Variants in HS3ST2 observed in about 807,000 individuals in gnomAD.
HS3ST2 encodes the protein heparan sulfate glucosamine 3-O-sulfotransferase 2.
HS3ST2 carries 17 observed loss-of-function variants against 26.3 expected under a neutral mutation model. The observed-to-expected ratio is 0.65, with a 90% CI of 0.44 to 0.97. The LOEUF (loss-of-function observed/expected upper bound fraction) is 0.97. Ranked by LOEUF, HS3ST2 falls within the 50% of genes least tolerant of loss-of-function variation. The pLI is 0.00. For synonymous variants in HS3ST2, 237 were observed against 219.2 expected (o/e 1.08, Z -0.72); for missense variants, 402 against 501.2 (o/e 0.80, Z 1.89).
intron 1 of HS3ST2, among the ~76,000 whole-genome samples, chr16:22,842,062 C>CTTTTTTTTTT (rs11285807): frequency 8.1e-5 from 9 of 111,792 alleles, no homozygotes; most frequent in South Asian, 2.8e-4. Flanking sequence ...TCTTTTCTTT[C>CTTTTTTTTTT]TTTTTTTTTT....
intron 1 of HS3ST2, among the ~76,000 whole-genome samples, chr16:22,896,204 A>G (rs188160787): frequency 1.6e-4 from 25 of 152,274 alleles, no homozygotes; most frequent in Admixed American, 5.2e-4. Context: ...CTGTCCTTTT[A>G]TATACAACTT....
intron 1 of HS3ST2, among the ~76,000 whole-genome samples, chr16:22,878,197 C>T (rs1901944410): frequency 6.6e-6 from 1 of 152,216 alleles, no homozygotes; most frequent in African/African-American, 2.4e-5. Context: ...TTCTGTCATT[C>T]ATGTAGCCCC....
At chr16:22,839,868 T>G (rs994037537) in intron 1 of HS3ST2, among the ~76,000 whole-genome samples, 12 of 152,210 alleles carry the variant, frequency 7.9e-5, no homozygotes, top group African/African-American at 2.7e-4. Flanking sequence ...AGACGATTGC[T>G]TTCAAAACCA....
At chr16:22,876,268 T>C (rs901389604) in intron 1 of HS3ST2, among the ~76,000 whole-genome samples, 2 of 151,296 alleles carry the variant, frequency 1.3e-5, no homozygotes, top group Admixed American at 6.6e-5. Context: ...ACAAATAATC[T>C]CATCAAAAAG....
intron 1 of HS3ST2, among the ~76,000 whole-genome samples, chr16:22,831,185 G>GT (rs1429594385): frequency 1.3e-5 from 2 of 152,242 alleles, no homozygotes; most frequent in Non-Finnish European, 2.9e-5. Context: ...TTCTAATGAT[G>GT]TGATTAGATG....
chr16:22,888,583 C>A (rs1902094283), intron 1 of HS3ST2, among the ~76,000 whole-genome samples: 1 of 151,850 alleles, frequency 6.6e-6, no homozygotes. Flanking sequence ...AGACAGGTTT[C>A]ATGATGTTAG....
At chr16:22,842,062 C>CTTTTTTTTTTTTTTTT (rs11285807) in intron 1 of HS3ST2, among the ~76,000 whole-genome samples, 7 of 111,788 alleles carry the variant, frequency 6.3e-5, no homozygotes, top group Admixed American at 9.5e-5. Flanking sequence ...TCTTTTCTTT[C>CTTTTTTTTTTTTTTTT]TTTTTTTTTT....
chr16:22,848,829 G>A lies in HS3ST2; in HGVS notation c.485+33734G>A, dbSNP rs113521855. ...ATCCCCATGCTGGCTGCCAAGGGAA[G>A]GAACCCTGACACCGTACCATGCATG... is the stretch of plus-strand genomic sequence containing the variant. On this transcript the variant is annotated intron_variant, in intron 1 of 1. Transcript: ENST00000261374. Among the ~76,000 whole-genome samples, 1,297 of 152,284 alleles carry A rather than the reference G, an allele frequency of 8.5e-3. 14 individuals carry two copies. Among genetic ancestry groups the A allele is most frequent in the African/African-American group, 0.029 (1,216 of 41,556 alleles).
At chr16:22,905,281 T>C (rs957205329) in intron 1 of HS3ST2, among the ~76,000 whole-genome samples, 3 of 152,182 alleles carry the variant, frequency 2.0e-5, no homozygotes, top group Non-Finnish European at 2.9e-5. Flanking sequence ...CTTGCTTGCA[T>C]GTGCAAGGGA....
chr16:22,874,155 C>G (rs1049274294), intron 1 of HS3ST2, among the ~76,000 whole-genome samples: 7 of 152,170 alleles, frequency 4.6e-5, no homozygotes, highest in Non-Finnish European at 1.0e-4. Flanking sequence ...TTTTTGCAAA[C>G]AGCAGGCCCC....
At chr16:22,852,555 C>A (rs1006345437) in intron 1 of HS3ST2, among the ~76,000 whole-genome samples, 2 of 152,104 alleles carry the variant, frequency 1.3e-5, no homozygotes, top group Admixed American at 6.6e-5. Context: ...ACCTTGGACC[C>A]CAAAGATTCC....
intron 1 of HS3ST2, among the ~76,000 whole-genome samples, chr16:22,852,670 T>C (rs1460859717): frequency 2.6e-5 from 4 of 152,178 alleles, no homozygotes; most frequent in Non-Finnish European, 5.9e-5. Context: ...TCATTTTGTC[T>C]GAAGAATTTT....
intron 1 of HS3ST2, among the ~76,000 whole-genome samples, chr16:22,843,627 C>T (rs1473141852): frequency 2.6e-5 from 4 of 152,148 alleles, no homozygotes; most frequent in South Asian, 2.1e-4. Flanking sequence ...GGAAGGGTCC[C>T]GAGTGGATGA....
chr16:22,863,677 C>G (rs964067749), intron 1 of HS3ST2, among the ~76,000 whole-genome samples: 1 of 152,190 alleles, frequency 6.6e-6, no homozygotes, highest in Non-Finnish European at 1.5e-5. Flanking sequence ...AAATCATCAG[C>G]TCCTGTGACA....
At position 22,915,551 on chromosome 16, in the gene HS3ST2, A is replaced by G. The variant is rs200908479; in HGVS notation, c.1093A>G (p.Arg365Gly). The G allele has an allele frequency of 3.6e-5, 58 of 1,612,544 alleles. No homozygotes were observed. The highest frequency in any genetic ancestry group is 8.5e-7 in the Non-Finnish European group (1 of 1,179,108). The change falls in exon 2 of 2, where the codon AGG becomes GGG. Residue 365 changes from arginine (R) to glycine (G), a missense_variant. By Grantham distance (125) the Arg-to-Gly change is moderately radical. This residue lies in a region of HS3ST2 where 237 missense variants were observed against 346.6 expected (regional missense o/e 0.68). Transcript: ENST00000261374. ...KFYETVGQDF[R>G]WE ...TTATGAAACCGTTGGGCAGGACTTC[A>G]GGTGGGAATAAGCCCACGAAAGGAA...
At chr16:22,846,481 G>A (rs528298064) in intron 1 of HS3ST2, among the ~76,000 whole-genome samples, 2 of 152,046 alleles carry the variant, frequency 1.3e-5, no homozygotes, top group Non-Finnish European at 2.9e-5. Context: ...TCATATGTGT[G>A]TTTCATATCA....
intron 1 of HS3ST2, among the ~76,000 whole-genome samples, chr16:22,910,029 C>G (rs1374460996): frequency 2.6e-5 from 3 of 113,430 alleles, no homozygotes; most frequent in African/African-American, 1.0e-4. Flanking sequence ...AAGAGCAAAA[C>G]TCCATCTCAA....
chr16:22,833,337 AC>A (rs1460994266), intron 1 of HS3ST2: 1 of 455,798 alleles, frequency 2.2e-6, no homozygotes, highest in Non-Finnish European at 4.4e-6. Flanking sequence ...TGCTGAAGCT[AC>A]CTGGACTGGA....
At chr16:22,843,917 A>G (rs1901395213) in intron 1 of HS3ST2, among the ~76,000 whole-genome samples, 2 of 151,860 alleles carry the variant, frequency 1.3e-5, no homozygotes, top group African/African-American at 4.8e-5. Context: ...AGAAACAGAC[A>G]GTTTCCTAAG....
Sources: allele counts gnomAD v4.1 joint callset (sites outside exome capture counted in the v4.1 genomes callset), GRCh38; gene constraint gnomAD v4.1.1; regional missense constraint gnomAD v4.1.1; transcripts MANE v1.5; gene names NCBI Gene and HGNC (gene_info 2026-07-23, HGNC 2026-07-21).